Variants in BMP1 observed in about 807,000 individuals in gnomAD.
BMP1 encodes bone morphogenetic protein 1, also known as mammalian tolloid protein.
In BMP1, 63 loss-of-function variants were observed where a neutral mutation model predicts 116.8. The ratio of observed to expected loss-of-function variants is 0.54; its 90% confidence interval spans 0.44 to 0.67. BMP1 has a LOEUF of 0.67. Among genes scored for constraint, BMP1 ranks in the 30% least tolerant of loss-of-function variants. BMP1 has a pLI of 0.00. For synonymous variants in BMP1, 536 were observed against 533.4 expected (o/e 1.00, Z -0.07); for missense variants, 1,183 against 1,358.9 (o/e 0.87, Z 2.04).
intron 16 of BMP1, among the ~76,000 whole-genome samples, chr8:22,206,553 A>G (rs911709602): frequency 3.3e-5 from 5 of 151,864 alleles, no homozygotes; most frequent in African/African-American, 1.2e-4. Flanking sequence ...CACAGGTGAT[A>G]TGACCCCTGT....
rs1586463353 is a variant in BMP1, at chr8:22,196,607, C to A, written c.1766-73C>A. ...GCTCCCCATCTTCTCCTTACTGCATCCCAGCCCACATCTCAGCCCTTCCCC... is the reference window on the plus strand; with the variant it reads ...GCTCCCCATCTTCTCCTTACTGCATACCAGCCCACATCTCAGCCCTTCCCC... On this transcript the variant is annotated intron_variant, in intron 13 of 19. Coordinates refer to ENST00000306385, the MANE Select transcript of BMP1 (RefSeq NM_006129.5). The A allele has an allele frequency of 3.1e-6, 5 of 1,600,504 alleles. No individual in the cohort carries two copies. In the East Asian group the frequency reaches 1.1e-4, roughly 36 times the overall value.
At chr8:22,198,842 C>G in intron 15 of BMP1, 1 of 798,536 alleles carries the variant, frequency 1.3e-6, no homozygotes, top group Non-Finnish European at 1.6e-6. Context: ...GCCCCCAACC[C>G]CCGCTTGCTG....
At chr8:22,200,619 T>A (rs756003033) in intron 15 of BMP1, among the ~76,000 whole-genome samples, 1 of 152,154 alleles carries the variant, frequency 6.6e-6, no homozygotes, top group Non-Finnish European at 1.5e-5. Context: ...TGTATGTGTG[T>A]GCCTGTGGAC....
chr8:22,210,502 G>A (rs1000282013), intron 19 of BMP1, among the ~76,000 whole-genome samples: 50 of 140,846 alleles, frequency 3.5e-4, no homozygotes, highest in African/African-American at 1.3e-3. Flanking sequence ...ACACCCACTT[G>A]CATGCACTTT....
At chr8:22,206,313 C>A (rs1470603348) in intron 16 of BMP1, among the ~76,000 whole-genome samples, 1 of 152,096 alleles carries the variant, frequency 6.6e-6, no homozygotes, top group Non-Finnish European at 1.5e-5. Context: ...ACTAGCCTGG[C>A]CAACATGGCG....
chr8:22,175,549 G>C (rs867557965), intron 2 of BMP1, among the ~76,000 whole-genome samples: 2 of 152,166 alleles, frequency 1.3e-5, no homozygotes, highest in African/African-American at 2.4e-5. Context: ...CAAGCCTCTG[G>C]TCACAACATT....
chr8:22,206,554 T>A (rs1409808056), intron 16 of BMP1, among the ~76,000 whole-genome samples: 1 of 150,920 alleles, frequency 6.6e-6, no homozygotes, highest in Non-Finnish European at 1.5e-5. Context: ...ACAGGTGATA[T>A]GACCCCTGTG....
intron 15 of BMP1, chr8:22,199,396 C>T (rs777538024): frequency 1.6e-6 from 2 of 1,273,006 alleles, no homozygotes; most frequent in Non-Finnish European, 2.0e-6. Flanking sequence ...GGGTGAGTGC[C>T]ATCTCCTTGC....
intron 1 of BMP1, chr8:22,170,513 C>G (rs1412903507): frequency 6.6e-6 from 1 of 152,212 alleles, no homozygotes; most frequent in Non-Finnish European, 1.5e-5. Flanking sequence ...AGTAGCCAAC[C>G]TGGATTCCAA....
chr8:22,199,521 C>T (rs1255169925), intron 15 of BMP1: 14 of 888,082 alleles, frequency 1.6e-5, no homozygotes, highest in Non-Finnish European at 2.0e-5. Context: ...TCAGGACTCA[C>T]TTTCCCCCAC....
chr8:22,200,914 T>A (rs572308759), intron 15 of BMP1, among the ~76,000 whole-genome samples: 1 of 152,240 alleles, frequency 6.6e-6, no homozygotes, highest in East Asian at 1.9e-4. Flanking sequence ...CTGTGCCTCC[T>A]GCCCCTGCTA....
rs375380551 is a variant in BMP1, at chr8:22,194,061, G to A, written c.1184G>A (p.Arg395His). 119 of 1,613,748 alleles carry A rather than the reference G, an allele frequency of 7.4e-5. No homozygotes were observed. The highest frequency in any genetic ancestry group is 9.1e-5 in the Non-Finnish European group (107 of 1,179,762). ...GFWRKAPLRG[R>H]FCGSKLPEPI... ...TCCATCCACACTGTCTGTGCAGGCCGCTTCTGCGGGTCCAAACTCCCTGAG... is the reference window on the plus strand; with the variant it reads ...TCCATCCACACTGTCTGTGCAGGCCACTTCTGCGGGTCCAAACTCCCTGAG... Residue 395 changes from arginine (R) to histidine (H), a missense_variant, in exon 10 of 20, where the codon CGC becomes CAC. Around this residue, in one of 4 missense-constraint regions of BMP1, gnomAD observed 956 missense variants for 1,135.2 expected, o/e 0.84. Transcript: ENST00000306385. This position sits in a 1 kb window ranked among gnomAD's most constrained non-coding sequence, Gnocchi z 4.5.
In BMP1 at chr8:22,165,563, C is replaced by A; in HGVS notation, c.148+10C>A. The A allele has an allele frequency of 1.3e-6, 2 of 1,571,770 alleles. No homozygotes were observed. The highest frequency in any genetic ancestry group is 1.9e-5 in the Admixed American group (1 of 53,326). On this transcript the variant is annotated intron_variant, in intron 1 of 19. Coordinates refer to ENST00000306385, the MANE Select transcript of BMP1 (RefSeq NM_006129.5). ...GACCCCTGCAAGGCGGGTGAGCGCC[C>A]CCCGGCCCCCCGGCGACGGGCCAGG...
chr8:22,175,815 A>G (rs1828413663), intron 2 of BMP1, among the ~76,000 whole-genome samples: 1 of 152,198 alleles, frequency 6.6e-6, no homozygotes, highest in Non-Finnish European at 1.5e-5. Context: ...AACAAAGCGC[A>G]CAAAAACACA....
chr8:22,174,657 G>A (rs1466334166), intron 2 of BMP1, among the ~76,000 whole-genome samples: 1 of 135,210 alleles, frequency 7.4e-6, no homozygotes, highest in Non-Finnish European at 1.5e-5. Flanking sequence ...TTTTGAGACA[G>A]GGTCTCAGTC....
At chr8:22,205,345 G>C (rs1829332551) in intron 16 of BMP1, among the ~76,000 whole-genome samples, 1 of 152,178 alleles carries the variant, frequency 6.6e-6, no homozygotes, top group Admixed American at 6.5e-5. Context: ...AGATAGTGCT[G>C]TGCAGAGCCG....
chr8:22,207,116 G>C, intron 17 of BMP1, 135 bp downstream of exon 17: 1 of 1,453,634 alleles, frequency 6.9e-7, no homozygotes, highest in East Asian at 2.4e-5. Flanking sequence ...CCTGGACAGA[G>C]GCCCCTTTCC....
chr8:22,180,032 C>T (rs752665268), intron 7 of BMP1, among the ~76,000 whole-genome samples: 11 of 152,058 alleles, frequency 7.2e-5, no homozygotes, highest in Non-Finnish European at 1.5e-4. Context: ...GAAGCCGAGC[C>T]GCCACCTTCT....
intron 8 of BMP1, among the ~76,000 whole-genome samples, chr8:22,190,651 G>A (rs1828905416): frequency 6.6e-6 from 1 of 152,208 alleles, no homozygotes; most frequent in Admixed American, 6.5e-5. Context: ...GGCGGACATT[G>A]GAATCACCAG....
Sources: gnomAD v4.1 joint callset for allele counts (sites outside exome capture counted in the v4.1 genomes callset) on GRCh38, gnomAD v4.1.1 for gene constraint, gnomAD v4.1.1 regional missense constraint, Gnocchi (gnomAD v3.1) non-coding constraint, MANE v1.5 for transcripts, NCBI Gene and HGNC (gene_info 2026-07-23, HGNC 2026-07-21) for gene names.